AHCYL2: variants seen among roughly 807,000 people sequenced by gnomAD.
AHCYL2 encodes the protein adenosylhomocysteinase like 2.
AHCYL2 carries 28 observed loss-of-function variants against 81.4 expected under a neutral mutation model. That is an observed-to-expected ratio of 0.34 (90% CI 0.25 to 0.47). The LOEUF (loss-of-function observed/expected upper bound fraction) is 0.47. Ranked by LOEUF, AHCYL2 falls within the 20% of genes least tolerant of loss-of-function variation. The pLI is 1.00. For synonymous variants in AHCYL2, 272 were observed against 290.2 expected (o/e 0.94, Z 0.64); for missense variants, 551 against 785.1 (o/e 0.70, Z 3.56).
chr7:129,261,212 A>G (rs1310803937), intron 1 of AHCYL2, among the ~76,000 whole-genome samples: 4 of 152,206 alleles, frequency 2.6e-5, no homozygotes, highest in Non-Finnish European at 4.4e-5. Flanking sequence ...TTGATCTTTT[A>G]TAATCTTTAA....
In AHCYL2 at chr7:129,225,259, G is replaced by T; in HGVS notation, c.183G>T (p.Pro61=). 1 of 1,456,658 alleles carries T rather than the reference G, an allele frequency of 6.9e-7. No homozygotes were observed. Among genetic ancestry groups the T allele is most frequent in the Non-Finnish European group, 9.0e-7 (1 of 1,113,816 alleles). 90.2% of individuals were successfully genotyped at this position (1,456,658 alleles called of 1,614,324 possible). ...CAGCTCCCGCCGCGGAGCGGCCCCC[G>T]GTCCCCGGCCCGGGCTCGGGGCCCG... ...EAPAPAAERP[P]VPGPGSGPAA... Residue 61 remains proline, a synonymous_variant, in exon 1 of 17, where the codon CCG becomes CCT. Transcript: ENST00000325006.
chr7:129,271,139 G>A (rs982988866), intron 1 of AHCYL2, among the ~76,000 whole-genome samples: 2 of 151,910 alleles, frequency 1.3e-5, no homozygotes, highest in Non-Finnish European at 2.9e-5. Flanking sequence ...GAGGCGGGCG[G>A]ATCACGAGGT....
chr7:129,374,963 T>C (rs574210411), intron 1 of AHCYL2, among the ~76,000 whole-genome samples: 43 of 152,126 alleles, frequency 2.8e-4, no homozygotes, highest in Non-Finnish European at 6.0e-4. Context: ...TATGTCTCTT[T>C]CAGAAATCAG....
chr7:129,278,321 C>T (rs1410279474), intron 1 of AHCYL2, among the ~76,000 whole-genome samples: 1 of 152,072 alleles, frequency 6.6e-6, no homozygotes, highest in Non-Finnish European at 1.5e-5. Context: ...AGTGATCCTC[C>T]TCCATCAGTC....
intron 2 of AHCYL2, chr7:129,388,264 C>G (rs993543180): frequency 6.6e-6 from 1 of 152,132 alleles, no homozygotes; most frequent in African/African-American, 2.4e-5. Context: ...CTACAGAATC[C>G]TATGAAGACT....
intron 1 of AHCYL2, among the ~76,000 whole-genome samples, chr7:129,372,772 AC>A (rs1214624750): frequency 2.0e-5 from 3 of 152,132 alleles, no homozygotes; most frequent in African/African-American, 4.8e-5. Context: ...CCGAGATGGC[AC>A]CATTGCACCC....
chr7:129,388,954 T>C (rs1795327873), intron 2 of AHCYL2, 102 bp from the exon 3 acceptor site: 2 of 1,403,312 alleles, frequency 1.4e-6, no homozygotes, highest in African/African-American at 1.5e-5. Context: ...AAAAAATTTA[T>C]ATGGTGCTAG....
intron 11 of AHCYL2, among the ~76,000 whole-genome samples, chr7:129,411,230 C>T (rs749145189): frequency 3.3e-5 from 5 of 152,240 alleles, no homozygotes; most frequent in East Asian, 1.9e-4. Flanking sequence ...GTAATGTTCA[C>T]GCTTTTAAAG....
At chr7:129,331,935 AT>A (rs1431448658) in intron 1 of AHCYL2, among the ~76,000 whole-genome samples, 4 of 151,830 alleles carry the variant, frequency 2.6e-5, no homozygotes, top group Non-Finnish European at 5.9e-5. Context: ...TTCATTTTAC[AT>A]ATAAAGTAAC....
intron 3 of AHCYL2, 35 bp from the exon 4 acceptor site, chr7:129,389,599 T>G: frequency 6.7e-7 from 1 of 1,498,112 alleles, no homozygotes; most frequent in Non-Finnish European, 9.2e-7. Context: ...TATTCCTTCT[T>G]CTTTAATATT....
intron 1 of AHCYL2, among the ~76,000 whole-genome samples, chr7:129,354,890 C>T (rs1793685949): frequency 6.6e-6 from 1 of 152,126 alleles, no homozygotes; most frequent in Non-Finnish European, 1.5e-5. Flanking sequence ...GCCTTGGAGT[C>T]ATCCAGAGCG....
intron 1 of AHCYL2, among the ~76,000 whole-genome samples, chr7:129,349,400 G>A (rs1356728598): frequency 1.3e-5 from 2 of 149,334 alleles, no homozygotes; most frequent in Non-Finnish European, 3.0e-5. Flanking sequence ...TGGGAAGGCT[G>A]AGGCGAGAGA....
chr7:129,268,378 T>TA (rs1394380084), intron 1 of AHCYL2, among the ~76,000 whole-genome samples: 1 of 152,146 alleles, frequency 6.6e-6, no homozygotes, highest in Non-Finnish European at 1.5e-5. Context: ...GACGGAGTCT[T>TA]ACTCTGTTGC....
At chr7:129,303,401 A>G (rs1797318096) in intron 1 of AHCYL2, among the ~76,000 whole-genome samples, 1 of 152,174 alleles carries the variant, frequency 6.6e-6, no homozygotes, top group South Asian at 2.1e-4. Context: ...TGTATGTGTC[A>G]AGAAATTTAT....
At chr7:129,319,690 CT>C (rs1391979286) in intron 1 of AHCYL2, among the ~76,000 whole-genome samples, 1 of 152,174 alleles carries the variant, frequency 6.6e-6, no homozygotes, top group Non-Finnish European at 1.5e-5. Context: ...AATATGAACT[CT>C]TATCTGGCTT....
intron 1 of AHCYL2, among the ~76,000 whole-genome samples, chr7:129,333,308 CAAA>C (rs1181621904): frequency 1.8e-4 from 12 of 67,490 alleles, no homozygotes; most frequent in Admixed American, 3.3e-4. Context: ...CATCTCTACC[CAAA>C]AAAAAAAAAA....
At chr7:129,359,599 G>A (rs1412918948) in intron 1 of AHCYL2, among the ~76,000 whole-genome samples, 2 of 152,178 alleles carry the variant, frequency 1.3e-5, no homozygotes, top group Non-Finnish European at 1.5e-5. Flanking sequence ...CCAACCTCCA[G>A]CTCAGTGATA....
At chr7:129,307,118 C>T (rs144920444) in intron 1 of AHCYL2, among the ~76,000 whole-genome samples, 78 of 152,256 alleles carry the variant, frequency 5.1e-4, no homozygotes, top group African/African-American at 1.8e-3. Context: ...TGCGTATGTT[C>T]ACTCAAGGCC....
In AHCYL2 at chr7:129,419,733, G is replaced by GA. The variant is rs1170349810; in HGVS notation, c.1462-3095dup. On this transcript the variant is annotated intron_variant, in intron 12 of 16. Transcript: ENST00000325006. This position sits in a 1 kb window ranked among gnomAD's most constrained non-coding sequence, Gnocchi z 4.7. ...GACTAGAACTACAGTTGTTCTCCCT[G>GA]AAAAAAAAAAAACAAAAAAAAACCG... is the stretch of plus-strand genomic sequence containing the variant. Among the ~76,000 whole-genome samples, 526 of 127,394 alleles carry GA rather than the reference G, an allele frequency of 4.1e-3. 1 individual carries two copies. Among genetic ancestry groups the GA allele is most frequent in the East Asian group, 0.011 (47 of 4,472 alleles). 83.6% of individuals were successfully genotyped at this position (127,394 alleles called of 152,430 possible).
Sources: allele counts gnomAD v4.1 joint callset (sites outside exome capture counted in the v4.1 genomes callset), GRCh38; gene constraint gnomAD v4.1.1; non-coding constraint Gnocchi (gnomAD v3.1); transcripts MANE v1.5; gene names NCBI Gene and HGNC (gene_info 2026-07-23, HGNC 2026-07-21).